ZNF362: variants seen among roughly 807,000 people sequenced by gnomAD.
ZNF362 encodes the protein zinc finger protein 362.
A neutral mutation model predicts 42.9 loss-of-function variants in ZNF362; 11 were observed. That is an observed-to-expected ratio of 0.26 (90% CI 0.16 to 0.42). The LOEUF (loss-of-function observed/expected upper bound fraction) is 0.42. ZNF362 is among the 20% of genes least tolerant of loss of function. The pLI is 1.00. For synonymous variants in ZNF362, 255 were observed against 257.3 expected, an observed-to-expected ratio of 0.99 and a Z score of 0.09; for missense variants, 362 against 576.2, an observed-to-expected ratio of 0.63 and a Z score of 3.81.
At chr1:33,242,574 G>GA in the ZNF362 span, among the ~76,000 whole-genome samples, 1 of 152,096 alleles carries the variant, frequency 6.6e-6, no homozygotes, top group East Asian at 1.9e-4. Flanking sequence ...TGAAGACCCA[G>GA]AAAAAGACAA....
the ZNF362 span, among the ~76,000 whole-genome samples, chr1:33,136,135 C>A: frequency 6.9e-6 from 1 of 144,638 alleles, no homozygotes; most frequent in Non-Finnish European, 1.5e-5. Context: ...TCCTTCCTTC[C>A]TTCCTTCCTT....
At position 33,298,995 on chromosome 1, in the gene ZNF362, G is replaced by C. The variant is rs545409217; in HGVS notation, c.1212G>C (p.Ser404=). The change falls in exon 9 of 9, where the codon TCG becomes TCC. Residue 404 remains serine (S), a synonymous_variant. Transcript: ENST00000539719. ...TGGAGCACCTGGTGAGCCATCACTC[G>C]CCCCAGAGGACGGAGTCCCCCGGCA... ...TVVEHLVSHH[S]PQRTESPGIP... is the part of the protein sequence containing the mutation. 6.2e-7 allele frequency: 1 copy of C among 1,612,938 alleles called. No homozygotes were observed. The highest frequency in any genetic ancestry group is 8.5e-7 in the Non-Finnish European group (1 of 1,180,022).
At chr1:33,218,059 G>A in the ZNF362 span, among the ~76,000 whole-genome samples, 1 of 152,042 alleles carries the variant, frequency 6.6e-6, no homozygotes, top group African/African-American at 2.4e-5. Flanking sequence ...GTCCATAGAT[G>A]GACCATAAAC....
At chr1:33,164,887 TC>T in the ZNF362 span, 2 of 151,862 alleles carry the variant, frequency 1.3e-5, no homozygotes, top group African/African-American at 4.9e-5. Flanking sequence ...CAGGCAATCT[TC>T]CCATCTGTCT....
At chr1:33,179,951 T>C in the ZNF362 span, among the ~76,000 whole-genome samples, 2 of 152,230 alleles carry the variant, frequency 1.3e-5, no homozygotes, top group African/African-American at 4.8e-5. Context: ...CCCACACTTA[T>C]TAATAGAGAG....
the ZNF362 span, among the ~76,000 whole-genome samples, chr1:33,209,185 T>G: frequency 6.6e-6 from 1 of 152,202 alleles, no homozygotes; most frequent in Non-Finnish European, 1.5e-5. Flanking sequence ...AATCATGTGG[T>G]TTTTGTCGTT....
chr1:33,151,320 G>A, the ZNF362 span, among the ~76,000 whole-genome samples: 2 of 152,084 alleles, frequency 1.3e-5, no homozygotes, highest in African/African-American at 4.8e-5. Flanking sequence ...ACTCTCTTAG[G>A]CGGGGGTGTG....
At chr1:33,291,558 G>T (rs1305624807) in intron 6 of ZNF362, among the ~76,000 whole-genome samples, 3 of 152,038 alleles carry the variant, frequency 2.0e-5, no homozygotes, top group African/African-American at 7.2e-5. Context: ...GCTCTTTTTT[G>T]GTTCCATATG....
the ZNF362 span, chr1:33,146,057 T>C: frequency 5.5e-6 from 2 of 363,130 alleles, no homozygotes; most frequent in Middle Eastern, 4.2e-4. Flanking sequence ...CTTTCTGGCA[T>C]AGTGGCTTCC....
chr1:33,152,676 A>T, the ZNF362 span, among the ~76,000 whole-genome samples: 1 of 152,198 alleles, frequency 6.6e-6, no homozygotes, highest in Non-Finnish European at 1.5e-5. Context: ...CAGGATCATT[A>T]TTACAAACAA....
the ZNF362 span, among the ~76,000 whole-genome samples, chr1:33,130,832 C>T: frequency 1.3e-5 from 2 of 152,122 alleles, no homozygotes; most frequent in Non-Finnish European, 2.9e-5. Context: ...ATAATGAGAA[C>T]CTGAATTGTG....
At chr1:33,151,625 A>G in the ZNF362 span, among the ~76,000 whole-genome samples, 1 of 152,102 alleles carries the variant, frequency 6.6e-6, no homozygotes, top group Non-Finnish European at 1.5e-5. Context: ...GGGGCTCACT[A>G]TTCTACAGGT....
the ZNF362 span, among the ~76,000 whole-genome samples, chr1:33,179,211 G>C: frequency 6.6e-6 from 1 of 152,260 alleles, no homozygotes; most frequent in Admixed American, 6.5e-5. Context: ...GATGGCTCTG[G>C]GGGTGGAGGG....
At position 33,281,170 on chromosome 1, in the gene ZNF362, T is replaced by C. The variant is rs981446465; in HGVS notation, c.684-417T>C. On this transcript the variant is annotated intron_variant, in intron 5 of 8. Transcript: ENST00000539719. The surrounding 1 kb of genome is among the most constrained non-coding windows in gnomAD (Gnocchi z 4.8). ...GCATCTCCAGGAATTCTGAGTTAATTTTCTGAGGATGGAAAGTATGGAGGG... is the reference window on the plus strand; with the variant it reads ...GCATCTCCAGGAATTCTGAGTTAATCTTCTGAGGATGGAAAGTATGGAGGG... 6.6e-6 allele frequency among the ~76,000 whole-genome samples: 1 copy of C among 152,150 alleles called. No homozygotes were observed. The highest frequency in any genetic ancestry group is 6.5e-5 in the Admixed American group (1 of 15,284).
the ZNF362 span, among the ~76,000 whole-genome samples, chr1:33,240,713 G>A: frequency 3.9e-5 from 6 of 152,164 alleles, no homozygotes; most frequent in Non-Finnish European, 4.4e-5. Flanking sequence ...CCTCCAACCC[G>A]TCATATCCCA....
the ZNF362 span, among the ~76,000 whole-genome samples, chr1:33,155,525 G>A: frequency 1.2e-4 from 18 of 152,128 alleles, no homozygotes; most frequent in Admixed American, 3.3e-4. Context: ...TTCCTGGTGT[G>A]TGTGAGGTCA....
chr1:33,250,832 G>GA, the ZNF362 span, among the ~76,000 whole-genome samples: 1 of 129,272 alleles, frequency 7.7e-6, no homozygotes, highest in African/African-American at 2.9e-5. Flanking sequence ...AAGAAGAAAA[G>GA]AAGAAGAAAG....
intron 1 of ZNF362, among the ~76,000 whole-genome samples, chr1:33,267,164 G>T (rs568685383): frequency 3.9e-5 from 6 of 152,268 alleles, no homozygotes; most frequent in Non-Finnish European, 4.4e-5. Flanking sequence ...GGGGTTTGGG[G>T]TGTCTTGCTT....
the ZNF362 span, among the ~76,000 whole-genome samples, chr1:33,245,853 T>C: frequency 1.3e-5 from 2 of 152,190 alleles, no homozygotes; most frequent in African/African-American, 4.8e-5. Flanking sequence ...GGTAGGAGAC[T>C]CACTTGAGCC....
Sources: gnomAD v4.1 joint callset for allele counts (sites outside exome capture counted in the v4.1 genomes callset) on GRCh38, gnomAD v4.1.1 for gene constraint, Gnocchi (gnomAD v3.1) non-coding constraint, MANE v1.5 for transcripts, NCBI Gene and HGNC (gene_info 2026-07-23, HGNC 2026-07-21) for gene names.